SLC7A9: variants seen among roughly 807,000 people sequenced by gnomAD.
SLC7A9 encodes the protein solute carrier family 7 member 9, also known as B(0,+)-type amino acid transporter 1.
Under a neutral mutation model 54.1 loss-of-function variants are expected in SLC7A9, and 38 were observed. The observed-to-expected ratio is 0.70, with a 90% CI of 0.54 to 0.92. The LOEUF is 0.92. Among genes scored for constraint, SLC7A9 ranks in the 40% least tolerant of loss-of-function variants. The pLI, the probability that SLC7A9 is intolerant of heterozygous loss-of-function variation, is 0.00. For synonymous variants in SLC7A9, 264 were observed against 258.9 expected (o/e 1.02, Z -0.19); for missense variants, 537 against 636.1 (o/e 0.84, Z 1.68).
chr19:32,858,768 C>CTTTATTTA lies in SLC7A9; in HGVS notation c.874-233_874-226dup, dbSNP rs71176160. Reference sequence around the variant, plus strand: ...TTATCTACTACTCCCTGGCATAAATCTTTATTTATTTATTTATTTATTTAT... The same window carrying CTTTATTTA: ...TTATCTACTACTCCCTGGCATAAATCTTTATTTATTTATTTATTTATTTATTTATTTAT... On this transcript the variant is annotated intron_variant, in intron 8 of 12. Transcript: ENST00000023064. Among the ~76,000 whole-genome samples, 2,590 of 148,592 alleles carry CTTTATTTA rather than the reference C, an allele frequency of 0.017. 50 individuals carry two copies. The highest frequency in any genetic ancestry group is 0.037 in the African/African-American group (1,475 of 40,382).
intron 11 of SLC7A9, among the ~76,000 whole-genome samples, chr19:32,833,881 T>C (rs1333707346): frequency 6.6e-6 from 1 of 152,220 alleles, no homozygotes; most frequent in African/African-American, 2.4e-5. Context: ...CATCAGGGTT[T>C]GCAAAATGGT....
At chr19:32,851,850 G>C (rs977618172) in intron 9 of SLC7A9, among the ~76,000 whole-genome samples, 2 of 152,146 alleles carry the variant, frequency 1.3e-5, no homozygotes, top group Admixed American at 6.6e-5. Context: ...CATAAAAAAT[G>C]ATGAGTTCAT....
intron 9 of SLC7A9, among the ~76,000 whole-genome samples, chr19:32,847,756 G>C (rs1353326784): frequency 6.6e-6 from 1 of 152,182 alleles, no homozygotes; most frequent in African/African-American, 2.4e-5. Context: ...AAGTTGAAAT[G>C]AAGGAAAAAA....
intron 11 of SLC7A9, among the ~76,000 whole-genome samples, chr19:32,834,923 T>C (rs1056090836): frequency 6.6e-6 from 1 of 152,132 alleles, no homozygotes; most frequent in African/African-American, 2.4e-5. Context: ...CCCAAGTAGC[T>C]GGGATTACAG....
Position 32,845,008 on chromosome 19 carries a change from C to CA in SLC7A9, c.978-1058dup, listed in dbSNP as rs1212605078. Among the ~76,000 whole-genome samples, 21 of 146,416 alleles carry CA rather than the reference C, an allele frequency of 1.4e-4. No individual in the cohort carries two copies. In the South Asian group the frequency reaches 2.4e-3, roughly 17 times the overall value. On this transcript the variant is annotated intron_variant, in intron 9 of 12. Coordinates refer to ENST00000023064, the MANE Select transcript of SLC7A9 (RefSeq NM_014270.5). ...TGAAACCCCATCTCTACTAAAAATA[C>CA]AAAAAATCAGCTGGGCATGGTGGTG... is the stretch of plus-strand genomic sequence containing the variant.
intron 11 of SLC7A9, among the ~76,000 whole-genome samples, chr19:32,837,731 G>A (rs1485452659): frequency 3.3e-5 from 5 of 151,982 alleles, no homozygotes; most frequent in African/African-American, 4.8e-5. Context: ...ACGCCTACAC[G>A]TGGCTTTCAG....
rs761842364 is a variant in SLC7A9 at position 32,860,597 on chromosome 19, A to T, written c.749+9T>A. The T allele has an allele frequency of 6.2e-7, 1 of 1,614,142 alleles. No homozygotes were observed. Among genetic ancestry groups the T allele is most frequent in the East Asian group, 2.2e-5 (1 of 44,890 alleles). On this transcript the variant is annotated intron_variant, in intron 7 of 12. Transcript: ENST00000023064. ...CGGCTACTGTCCTCTGCACTGATTC[A>T]GCTGTTACCTGTAAGGGTTTCTAAG...
Position 32,859,981 on chromosome 19 carries a change from C to T in SLC7A9, c.750-17G>A, listed in dbSNP as rs1181210262. 1.2e-6 allele frequency: 2 copies of T among 1,613,954 alleles called. No homozygotes were observed. Among genetic ancestry groups the T allele is most frequent in the Non-Finnish European group, 8.5e-7 (1 of 1,180,006 alleles). ...GGCAGGTTTCTGGGAGGGGCAATGA[C>T]ACGGAGACCCACGTTCAGACCACAG... is the stretch of plus-strand genomic sequence containing the variant. On this transcript the variant is annotated splice_polypyrimidine_tract_variant and intron_variant, in intron 7 of 12. Coordinates refer to ENST00000023064, the MANE Select transcript of SLC7A9 (RefSeq NM_014270.5).
intron 9 of SLC7A9, among the ~76,000 whole-genome samples, chr19:32,855,738 C>A (rs1297695637): frequency 6.6e-6 from 1 of 151,958 alleles, no homozygotes; most frequent in Admixed American, 6.6e-5. Flanking sequence ...TAGCTCACTG[C>A]AACCTTGGCA....
intron 7 of SLC7A9, chr19:32,860,243 G>C: frequency 7.1e-7 from 1 of 1,411,354 alleles, no homozygotes; most frequent in Non-Finnish European, 9.2e-7. Flanking sequence ...AACTCTAAGC[G>C]TGCATAGTGA....
At position 32,868,673 on chromosome 19, in the gene SLC7A9, T is replaced by G. The variant is rs1027623194; in HGVS notation, c.-111-28A>C. 46 of 743,408 alleles carry G rather than the reference T, an allele frequency of 6.2e-5. No individual in the cohort carries two copies. The South Asian group carries it at 6.4e-4, about 10-fold the overall frequency. 46.1% of individuals were successfully genotyped at this position (743,408 alleles called of 1,614,324 possible). ...GCAAAAGCACAGTGTTGGTTATTGC[T>G]GCAGGTGGGGGCCGCTGCCAGTCCC... On this transcript the variant is annotated intron_variant, in intron 1 of 12. Transcript: ENST00000023064.
rs376490172 is a variant in SLC7A9 at position 32,843,977 on chromosome 19, G to A, written c.978-26C>T. Reference sequence around the variant, plus strand: ...CTGGAAAATAACGACACGGGAGTCCGCTGACCAGAGTGCAGACCATCTGTC... The same window carrying A: ...CTGGAAAATAACGACACGGGAGTCCACTGACCAGAGTGCAGACCATCTGTC... On this transcript the variant is annotated intron_variant, in intron 9 of 12. Coordinates refer to ENST00000023064, the MANE Select transcript of SLC7A9 (RefSeq NM_014270.5). 231 of 1,534,112 alleles carry A rather than the reference G, an allele frequency of 1.5e-4. No individual in the cohort carries two copies. The African/African-American group carries it at 2.4e-3, about 16-fold the overall frequency.
At chr19:32,831,647 C>CTT (rs1327503744) in intron 12 of SLC7A9, among the ~76,000 whole-genome samples, 1 of 152,184 alleles carries the variant, frequency 6.6e-6, no homozygotes, top group African/African-American at 2.4e-5. Flanking sequence ...GACACAAGTG[C>CTT]TTTCTTTTCA....
At chr19:32,861,094 C>T (rs940328507) in intron 6 of SLC7A9, among the ~76,000 whole-genome samples, 2 of 152,056 alleles carry the variant, frequency 1.3e-5, no homozygotes, top group African/African-American at 2.4e-5. Flanking sequence ...TTTGAGAAGC[C>T]GAGGTGGGCA....
chr19:32,856,254 GC>G (rs1477172414), intron 9 of SLC7A9, among the ~76,000 whole-genome samples: 2 of 151,570 alleles, frequency 1.3e-5, no homozygotes, highest in African/African-American at 4.9e-5. Context: ...GAGTGCAGTG[GC>G]GTGATCTTGG....
In SLC7A9 at chr19:32,850,832, A is replaced by C. The variant is rs1279400998; in HGVS notation, c.978-6881T>G. Among the ~76,000 whole-genome samples, 7 of 152,254 alleles carry C rather than the reference A, an allele frequency of 4.6e-5. No individual in the cohort carries two copies. The South Asian group carries it at 1.4e-3, about 31-fold the overall frequency. ...TACTGGTACCAAAACAGAGAGATAC[A>C]TCAATGGAACAGAACAGAGCCCTCA... On this transcript the variant is annotated intron_variant, in intron 9 of 12. Coordinates refer to ENST00000023064, the MANE Select transcript of SLC7A9 (RefSeq NM_014270.5).
rs1968548875 is a variant in SLC7A9, at chr19:32,854,089, T to C, written c.977+4351A>G. Among the ~76,000 whole-genome samples the C allele has an allele frequency of 2.0e-5, 3 of 151,440 alleles. No homozygotes were observed. The South Asian group carries it at 6.2e-4, about 32-fold the overall frequency. The stretch of plus-strand genomic sequence containing the variant: ...GTGCAGTGGTGCAATCTCAGCTCAC[T>C]GCAGCCTCGACCTCCTGGGCTCACA... On this transcript the variant is annotated intron_variant, in intron 9 of 12. Transcript: ENST00000023064.
chr19:32,864,247 G>A lies in SLC7A9; in HGVS notation c.327C>T (p.Ala109=), dbSNP rs767577768. 1.2e-6 allele frequency: 2 copies of A among 1,614,210 alleles called. No homozygotes were observed. The highest frequency in any genetic ancestry group is 8.5e-7 in the Non-Finnish European group (1 of 1,180,026). ...TCAGGCTGGCCCAGGAGAAGAGGTA[G>A]GCGGGGATGGGCCCGTAGGCCTCCA... ...YLMEAYGPIP[A]YLFSWASLIV... The change falls in exon 4 of 13, where the codon GCC becomes GCT. Residue 109 remains alanine, a synonymous_variant. Transcript: ENST00000023064.
chr19:32,867,292 G>A (rs575803437), intron 2 of SLC7A9, among the ~76,000 whole-genome samples: 5 of 151,828 alleles, frequency 3.3e-5, no homozygotes, highest in East Asian at 2.0e-4. Flanking sequence ...GCTTGAGCCC[G>A]GGAGTTCCAG....
Sources: allele counts gnomAD v4.1 joint callset (sites outside exome capture counted in the v4.1 genomes callset), GRCh38; gene constraint gnomAD v4.1.1; transcripts MANE v1.5; gene names NCBI Gene and HGNC (gene_info 2026-07-23, HGNC 2026-07-21).